PLCL2: variants seen among roughly 807,000 people sequenced by gnomAD.
The protein encoded by PLCL2 is inactive phospholipase C-like protein 2.
Under a neutral mutation model 79.6 loss-of-function variants are expected in PLCL2, and 4 were observed. The ratio of observed to expected loss-of-function variants is 0.05; its 90% CI spans 0.02 to 0.11. The LOEUF (loss-of-function observed/expected upper bound fraction) is 0.11. PLCL2 is among the 10% of genes least tolerant of loss of function. PLCL2 has a pLI of 1.00. For synonymous variants in PLCL2, 484 were observed against 457.7 expected, an observed-to-expected ratio of 1.06 and a Z score of -0.73; for missense variants, 895 against 1,291.0, an observed-to-expected ratio of 0.69 and a Z score of 4.70.
At chr3:16,948,501 T>C (rs1011725781) in intron 1 of PLCL2, among the ~76,000 whole-genome samples, 1 of 152,342 alleles carries the variant, frequency 6.6e-6, no homozygotes, top group South Asian at 2.1e-4. Flanking sequence ...TTGTACACTT[T>C]AAATAGATGT....
chr3:17,016,196 AG>A (rs2064381489), intron 3 of PLCL2, among the ~76,000 whole-genome samples: 1 of 152,210 alleles, frequency 6.6e-6, no homozygotes, highest in Non-Finnish European at 1.5e-5. Context: ...CAAAGATTCT[AG>A]AGAATATATT....
At chr3:16,993,247 T>C (rs1009816190) in intron 1 of PLCL2, among the ~76,000 whole-genome samples, 1 of 152,232 alleles carries the variant, frequency 6.6e-6, no homozygotes, top group African/African-American at 2.4e-5. Context: ...TGTTTATTGA[T>C]ACCCACATTC....
chr3:17,083,004 C>A (rs1455746052), intron 5 of PLCL2, among the ~76,000 whole-genome samples: 1 of 152,034 alleles, frequency 6.6e-6, no homozygotes, highest in Non-Finnish European at 1.5e-5. Flanking sequence ...GGTTATGGAG[C>A]CCTTACTCTG....
At chr3:17,078,307 G>A (rs1203823047) in intron 5 of PLCL2, among the ~76,000 whole-genome samples, 1 of 152,106 alleles carries the variant, frequency 6.6e-6, no homozygotes, top group Non-Finnish European at 1.5e-5. Context: ...TGGGTTAGCT[G>A]GGCTCAGCCA....
At position 17,009,034 on chromosome 3, in the gene PLCL2, G is replaced by A. The variant is rs1200707702; in HGVS notation, c.328-640G>A. Among the ~76,000 whole-genome samples the A allele has an allele frequency of 6.6e-6, 1 of 151,686 alleles. No homozygotes were observed. The highest frequency in any genetic ancestry group is 2.4e-5 in the African/African-American group (1 of 41,232). On this transcript the variant is annotated intron_variant, in intron 1 of 5. Transcript: ENST00000615277. This position sits in a 1 kb window ranked among gnomAD's most constrained non-coding sequence, Gnocchi z 4.0. ...GATTCTCACTCTGTTGCCCAGGCTG[G>A]AGTGCAGTGACACAATCTCAGCTCA... is the stretch of plus-strand genomic sequence containing the variant.
At chr3:16,905,606 A>T (rs187609530) in intron 1 of PLCL2, among the ~76,000 whole-genome samples, 100 of 152,348 alleles carry the variant, frequency 6.6e-4, no homozygotes, top group Middle Eastern at 6.8e-3. Flanking sequence ...ATTTCCAATG[A>T]TGAAATTGTA....
chr3:17,026,201 A>T (rs763090373), intron 3 of PLCL2, among the ~76,000 whole-genome samples: 6 of 152,174 alleles, frequency 3.9e-5, no homozygotes, highest in Admixed American at 1.3e-4. Context: ...TTCTAACTTA[A>T]TTAGGGCATT....
chr3:17,078,989 T>C (rs1391816166), intron 5 of PLCL2, among the ~76,000 whole-genome samples: 2 of 152,224 alleles, frequency 1.3e-5, no homozygotes, highest in African/African-American at 4.8e-5. Flanking sequence ...CTGTTCTTTC[T>C]GGTCCATTTG....
intron 1 of PLCL2, among the ~76,000 whole-genome samples, chr3:16,997,572 C>T (rs2064166866): frequency 7.1e-6 from 1 of 140,184 alleles, no homozygotes; most frequent in African/African-American, 2.6e-5. Context: ...ACTCTGTTGT[C>T]CAGGCTGGAG....
chr3:16,996,066 C>G (rs1366795197), intron 1 of PLCL2, among the ~76,000 whole-genome samples: 1 of 152,104 alleles, frequency 6.6e-6, no homozygotes, highest in South Asian at 2.1e-4. Context: ...AGCACTGGCC[C>G]CAGAAGTGGC....
At chr3:16,935,609 C>T (rs576720455) in intron 1 of PLCL2, among the ~76,000 whole-genome samples, 4 of 152,024 alleles carry the variant, frequency 2.6e-5, no homozygotes, top group Middle Eastern at 3.4e-3. Flanking sequence ...AACCAAAAAT[C>T]GGGACAACCT....
chr3:16,997,085 T>C (rs2064161251), intron 1 of PLCL2, among the ~76,000 whole-genome samples: 1 of 152,222 alleles, frequency 6.6e-6, no homozygotes, highest in Non-Finnish European at 1.5e-5. Flanking sequence ...TAAACAGTTA[T>C]TTTGATAAGT....
rs1336405483 is a variant in PLCL2 at position 17,011,655 on chromosome 3, A to G, written c.2309A>G (p.Lys770Arg). Residue 770 changes from lysine to arginine, a missense_variant, in exon 2 of 6, where the codon AAA (lysine) becomes AGA (arginine). Physicochemically the swap from Lys to Arg is conservative, Grantham distance 26 (BLOSUM62 2). Transcript: ENST00000615277. The surrounding 1 kb of genome is among the most constrained non-coding windows in gnomAD (Gnocchi z 7.9). ...IISGQNFPKP[K>R]GSGAKGDVVD... ...AGTGGGCAGAACTTTCCCAAGCCCA[A>G]AGGATCAGGTGCCAAAGGTGATGTG... The G allele has an allele frequency of 1.9e-6, 3 of 1,614,012 alleles. No homozygotes were observed. In the African/African-American group the frequency reaches 4.0e-5, roughly 22 times the overall value.
chr3:17,073,239 T>C (rs1466089991), intron 5 of PLCL2, among the ~76,000 whole-genome samples: 1 of 152,208 alleles, frequency 6.6e-6, no homozygotes, highest in Non-Finnish European at 1.5e-5. Context: ...AAAGCAAATA[T>C]CACAATAAAG....
intron 1 of PLCL2, among the ~76,000 whole-genome samples, chr3:16,998,467 AAC>A (rs1157602901): frequency 1.3e-5 from 2 of 152,220 alleles, no homozygotes; most frequent in Admixed American, 1.3e-4. Flanking sequence ...ACAGTTGAGA[AAC>A]ACAGTTTTCA....
At chr3:16,946,251 C>T (rs1005705321) in intron 1 of PLCL2, among the ~76,000 whole-genome samples, 1 of 152,092 alleles carries the variant, frequency 6.6e-6, no homozygotes, top group Admixed American at 6.5e-5. Flanking sequence ...GCGGAGAGCG[C>T]ACCTTGTTCA....
chr3:17,044,076 A>C (rs899456724), intron 4 of PLCL2: 4 of 152,388 alleles, frequency 2.6e-5, no homozygotes, highest in African/African-American at 9.6e-5. Flanking sequence ...AGGAGTCTCA[A>C]GTTGGTGTGT....
chr3:17,004,239 T>C (rs1575581689), intron 1 of PLCL2, among the ~76,000 whole-genome samples: 2 of 152,324 alleles, frequency 1.3e-5, no homozygotes, highest in South Asian at 4.1e-4. Flanking sequence ...ATATTCTGTT[T>C]TGGCTTTCTG....
At chr3:16,992,365 C>T (rs1281142316) in intron 1 of PLCL2, among the ~76,000 whole-genome samples, 1 of 152,190 alleles carries the variant, frequency 6.6e-6, no homozygotes, top group African/African-American at 2.4e-5. Flanking sequence ...CTAACATCCG[C>T]CTTCTACCAC....
Sources: gnomAD v4.1 joint callset for allele counts (sites outside exome capture counted in the v4.1 genomes callset) on GRCh38, gnomAD v4.1.1 for gene constraint, Gnocchi (gnomAD v3.1) non-coding constraint, MANE v1.5 for transcripts, NCBI Gene and HGNC (gene_info 2026-07-23, HGNC 2026-07-21) for gene names.